Variants in EFHC2 observed in about 807,000 individuals in gnomAD.
EFHC2 encodes the protein EF-hand domain containing 2.
Under a neutral mutation model 52.7 loss-of-function variants are expected in EFHC2, and 18 were observed. The ratio of observed to expected loss-of-function variants is 0.34; its 90% CI spans 0.24 to 0.51. The LOEUF is 0.51. Ranked by LOEUF, EFHC2 falls within the 20% of genes least tolerant of loss-of-function variation. EFHC2 has a pLI of 0.97. For synonymous variants in EFHC2, 203 were observed against 204.1 expected, an observed-to-expected ratio of 0.99 and a Z score of 0.04; for missense variants, 513 against 562.5, an observed-to-expected ratio of 0.91 and a Z score of 0.89.
At position 44,186,134 on chromosome X, in the gene EFHC2, T is replaced by C. The variant is rs772895938; in HGVS notation, c.1752-7570A>G. 8.0e-5 allele frequency among the ~76,000 whole-genome samples: 9 copies of C among 111,912 alleles called. No individual in the cohort carries two copies. The East Asian group carries it at 2.5e-3, about 32-fold the overall frequency. ...ATTTAGTTTGAAATTCAGTATGTCT[T>C]GGTGCACTAGACTTCAGGCCTGTTT... On this transcript the variant is annotated intron_variant, in intron 11 of 14. Transcript: ENST00000420999.
At chrX:44,159,260 C>T (rs2036632480) in intron 14 of EFHC2, among the ~76,000 whole-genome samples, 1 of 111,974 alleles carries the variant, frequency 8.9e-6, no homozygotes, top group Non-Finnish European at 1.9e-5. Flanking sequence ...GAGAACCCCA[C>T]CTGTGACAAA....
chrX:44,266,353 T>A (rs987013205), intron 3 of EFHC2, among the ~76,000 whole-genome samples: 1 of 111,105 alleles, frequency 9.0e-6, no homozygotes, highest in Non-Finnish European at 1.9e-5. Flanking sequence ...CTTTTTTTTT[T>A]TAAATTTTTT....
rs1003932623 is a variant in EFHC2 at position 44,321,536 on chromosome X, C to T, written c.43-8780G>A. On this transcript the variant is annotated intron_variant, in intron 1 of 14. Coordinates refer to ENST00000420999, the MANE Select transcript of EFHC2 (RefSeq NM_025184.4). ...TGAGCTTTAAAATATCCCAATGTTACGTGATCAGGGAGATGGGGTAGAATT... is the reference window on the plus strand; with the variant it reads ...TGAGCTTTAAAATATCCCAATGTTATGTGATCAGGGAGATGGGGTAGAATT... 5.4e-5 allele frequency among the ~76,000 whole-genome samples: 6 copies of T among 111,533 alleles called. No homozygotes were observed. In the East Asian group the frequency reaches 8.4e-4, roughly 16 times the overall value.
intron 13 of EFHC2, among the ~76,000 whole-genome samples, chrX:44,174,093 G>A (rs2036766026): frequency 8.9e-6 from 1 of 112,278 alleles, no homozygotes; most frequent in African/African-American, 3.2e-5. Flanking sequence ...TGTGGTCTAT[G>A]GTCCCTGACT....
Position 44,272,696 on chromosome X carries a change from T to C in EFHC2, c.372A>G (p.Gly124=), listed in dbSNP as rs1361011479. The C allele has an allele frequency of 5.1e-6, 6 of 1,168,748 alleles. No individual in the cohort carries two copies. Among genetic ancestry groups the C allele is most frequent in the African/African-American group, 1.8e-5 (1 of 56,146 alleles). Residue 124 remains glycine (G), a synonymous_variant, in exon 3 of 15, where the codon GGA becomes GGG. Transcript: ENST00000420999. ...QVNEPEVKNS[G]LLQGTSIRRH... is the part of the protein sequence containing the mutation. The stretch of plus-strand genomic sequence containing the variant: ...GCTTTAAATAGATACCTTGAAGTAA[T>C]CCACTATTTTTCACCTCTGGTTCAT...
At chrX:44,157,938 G>A (rs868144204) in intron 14 of EFHC2, among the ~76,000 whole-genome samples, 12 of 111,382 alleles carry the variant, frequency 1.1e-4, no homozygotes, top group African/African-American at 3.6e-4. Context: ...TCTGATTGCC[G>A]AATGGTGCTA....
At chrX:44,178,772 A>G (rs1418008842) in intron 11 of EFHC2, among the ~76,000 whole-genome samples, 1 of 112,578 alleles carries the variant, frequency 8.9e-6, no homozygotes, top group Non-Finnish European at 1.9e-5. Flanking sequence ...TAGGCACTGT[A>G]GCTTATAAAT....
At chrX:44,280,152 G>T (rs1266953455) in intron 2 of EFHC2, among the ~76,000 whole-genome samples, 1 of 109,816 alleles carries the variant, frequency 9.1e-6, no homozygotes, top group African/African-American at 3.3e-5. Flanking sequence ...CCAAGGTTGA[G>T]AACTACTGCT....
chrX:44,244,811 C>A (rs1190083640), intron 7 of EFHC2, among the ~76,000 whole-genome samples: 2 of 111,938 alleles, frequency 1.8e-5, no homozygotes, highest in Non-Finnish European at 3.8e-5. Flanking sequence ...GGGCAAAGCT[C>A]TTCTAGGCAA....
intron 11 of EFHC2, among the ~76,000 whole-genome samples, chrX:44,211,464 G>T (rs2037094680): frequency 9.0e-6 from 1 of 111,551 alleles, no homozygotes; most frequent in South Asian, 3.7e-4. Flanking sequence ...GGAGGCAGAG[G>T]TTGCAATGAG....
At position 44,242,253 on chromosome X, in the gene EFHC2, GGAGAA is replaced by G. The variant is rs1569291796; in HGVS notation, c.1143_1147del (p.Pro383SerfsTer16). ...AAATTTCCTTTCTATTTTTGGAGGA[GGAGAA>G]GGAGGCTTGCATGAAACTGAGGTAA... On this transcript the variant is annotated frameshift_variant, in exon 8 of 15. Transcript: ENST00000420999. LOFTEE classifies it high-confidence loss of function. The G allele has an allele frequency of 1.7e-6, 2 of 1,208,192 alleles. No individual in the cohort carries two copies. The highest frequency in any genetic ancestry group is 2.2e-6 in the Non-Finnish European group (2 of 894,057).
intron 1 of EFHC2, among the ~76,000 whole-genome samples, chrX:44,328,441 G>A (rs1256147029): frequency 9.0e-6 from 1 of 111,466 alleles, no homozygotes; most frequent in African/African-American, 3.3e-5. Flanking sequence ...TCTGAAGCAA[G>A]AGAATAGGGT....
intron 14 of EFHC2, among the ~76,000 whole-genome samples, chrX:44,159,502 G>GT (rs1406423656): frequency 8.9e-6 from 1 of 112,223 alleles, no homozygotes; most frequent in Non-Finnish European, 1.9e-5. Context: ...AAGCTTATCA[G>GT]TACCAGAGTG....
rs181146593 is a variant in EFHC2, at chrX:44,306,024, G to A, written c.231+6544C>T. ...CAAGGAACAGGGACTGAATTAAGAA[G>A]TGGACCCCATATGGCAGGATCCAGG... On this transcript the variant is annotated intron_variant, in intron 2 of 14. Transcript: ENST00000420999. Among the ~76,000 whole-genome samples the A allele has an allele frequency of 9.6e-4, 107 of 111,477 alleles. No individual in the cohort carries two copies. In the East Asian group the frequency reaches 0.019, roughly 20 times the overall value.
chrX:44,332,967 C>T (rs763615044), intron 1 of EFHC2, among the ~76,000 whole-genome samples: 2 of 112,032 alleles, frequency 1.8e-5, no homozygotes, highest in South Asian at 3.7e-4. Context: ...ACAGCAGCAG[C>T]GGAAGACATA....
chrX:44,248,392 C>T lies in EFHC2; in HGVS notation c.991G>A (p.Glu331Lys). 1 of 1,187,393 alleles carries T rather than the reference C, an allele frequency of 8.4e-7. No individual in the cohort carries two copies. Among genetic ancestry groups the T allele is most frequent in the Non-Finnish European group, 1.1e-6 (1 of 882,650 alleles). ...GACAGGTCACTATCTTTGTAAAACT[C>T]TTGGTCTACTTTTCCTAGCTAAAAA... ...DRYKLGKVDQ[E>K]FYKDSDLSLG... The change falls in exon 7 of 15, where the codon GAG (glutamate) becomes AAG (lysine). Residue 331 changes from glutamate (E) to lysine (K), a missense_variant. Glu to Lys is a moderately conservative substitution (Grantham distance 56). Transcript: ENST00000420999.
At chrX:44,149,206 C>CATG (rs2036549880) in intron 14 of EFHC2, among the ~76,000 whole-genome samples, 1 of 112,177 alleles carries the variant, frequency 8.9e-6, no homozygotes, top group Admixed American at 9.5e-5. Context: ...GCAGACATAT[C>CATG]ATGGACAGAG....
intron 11 of EFHC2, among the ~76,000 whole-genome samples, chrX:44,180,552 C>T (rs2036825743): frequency 9.0e-6 from 1 of 111,003 alleles, no homozygotes; most frequent in African/African-American, 3.3e-5. Flanking sequence ...ATCAGCCTGG[C>T]ACATGGTGAA....
intron 14 of EFHC2, among the ~76,000 whole-genome samples, chrX:44,163,649 T>G (rs1449038847): frequency 1.8e-5 from 2 of 111,789 alleles, no homozygotes; most frequent in Admixed American, 1.9e-4. Flanking sequence ...TATTTATAAC[T>G]GTAACCTATT....
Sources: allele counts gnomAD v4.1 joint callset (sites outside exome capture counted in the v4.1 genomes callset), GRCh38; gene constraint gnomAD v4.1.1; transcripts MANE v1.5; gene names NCBI Gene and HGNC (gene_info 2026-07-23, HGNC 2026-07-21).